PCDHGA6: variants seen among roughly 807,000 people sequenced by gnomAD.
The protein encoded by PCDHGA6 is protocadherin gamma subfamily A, 6, also known as protocadherin gamma-A6.
A neutral mutation model predicts 60.6 loss-of-function variants in PCDHGA6; 41 were observed. The ratio of observed to expected loss-of-function variants is 0.68; its 90% CI spans 0.53 to 0.88. The LOEUF (loss-of-function observed/expected upper bound fraction) is 0.88. Ranked by LOEUF, PCDHGA6 falls within the 40% of genes least tolerant of loss-of-function variation. PCDHGA6 has a pLI of 0.00. For missense variants in PCDHGA6, 1,312 were observed against 1,203.0 expected, an observed-to-expected ratio of 1.09 and a Z score of -1.34; for synonymous variants, 594 against 524.4, an observed-to-expected ratio of 1.13 and a Z score of -1.81.
intron 2 of PCDHGA6, among the ~76,000 whole-genome samples, 199 bp downstream of exon 2, chr5:141,495,064 C>T (rs563712352): frequency 6.6e-6 from 1 of 152,296 alleles, no homozygotes; most frequent in South Asian, 2.1e-4. Context: ...GTTCAGGAAG[C>T]TCAATTCACA....
chr5:141,376,356 C>T lies in PCDHGA6; in HGVS notation c.2273C>T (p.Ser758Leu). 1 of 1,614,228 alleles carries T rather than the reference C, an allele frequency of 6.2e-7. No individual in the cohort carries two copies. The highest frequency in any genetic ancestry group is 1.1e-5 in the South Asian group (1 of 91,084). ...CTGCAGACCTATTCCCACGAGGTCTCACTCACTGCAGACTCGCGTAAGAGT... is the reference window on the plus strand; with the variant it reads ...CTGCAGACCTATTCCCACGAGGTCTTACTCACTGCAGACTCGCGTAAGAGT... ...AFLQTYSHEV[S>L]LTADSRKSHL... The change falls in exon 1 of 4, where the codon TCA (serine) becomes TTA (leucine). Residue 758 changes from serine (S) to leucine (L), a missense_variant. By Grantham distance (145) the Ser-to-Leu change is moderately radical. Coordinates refer to ENST00000517434, the MANE Select transcript of PCDHGA6 (RefSeq NM_018919.3).
intron 1 of PCDHGA6, chr5:141,415,585 C>T: frequency 6.2e-7 from 1 of 1,613,900 alleles, no homozygotes; most frequent in Non-Finnish European, 8.5e-7. Context: ...TTCGAAGTTT[C>T]CTATAGAGGA....
intron 1 of PCDHGA6, chr5:141,478,489 C>G (rs779457709): frequency 5.6e-6 from 9 of 1,613,162 alleles, no homozygotes; most frequent in Middle Eastern, 1.6e-4. Flanking sequence ...CGCTGCGGAG[C>G]TGTGATCCGG....
At chr5:141,403,348 G>C (rs1031512427) in intron 1 of PCDHGA6, 2 of 1,614,052 alleles carry the variant, frequency 1.2e-6, no homozygotes, top group Middle Eastern at 1.6e-4. Flanking sequence ...GCGCCCCAAA[G>C]TTCCAGGCCG....
At chr5:141,378,354 C>T (rs994186879) in intron 1 of PCDHGA6, 5 of 152,210 alleles carry the variant, frequency 3.3e-5, no homozygotes, top group African/African-American at 1.2e-4. Flanking sequence ...GAAACCCCGT[C>T]TCTACTAAAA....
chr5:141,429,234 T>C (rs2097199038), intron 1 of PCDHGA6: 1 of 152,114 alleles, frequency 6.6e-6, no homozygotes, highest in African/African-American at 2.4e-5. Context: ...ATGATACTGC[T>C]GTCATTGAGA....
rs114918874 is a variant in PCDHGA6 at position 141,487,585 on chromosome 5, C to T, written c.2425-7222C>T. On this transcript the variant is annotated intron_variant, in intron 1 of 3. Transcript: ENST00000517434. This position sits in a 1 kb window ranked among gnomAD's most constrained non-coding sequence, Gnocchi z 5.0. Reference sequence around the variant, plus strand: ...CAGGGGAGCCTGTTCGCCCAAGCTGCCCACCCTCTGATCTTCTCTATGGGC... The same window carrying T: ...CAGGGGAGCCTGTTCGCCCAAGCTGTCCACCCTCTGATCTTCTCTATGGGC... 7,902 of 1,614,160 alleles carry T rather than the reference C, an allele frequency of 4.9e-3. 42 individuals are homozygous for T. The highest frequency in any genetic ancestry group is 8.8e-3 in the Admixed American group (531 of 60,020).
At chr5:141,483,361 A>G (rs752805137) in intron 1 of PCDHGA6, among the ~76,000 whole-genome samples, 1 of 152,102 alleles carries the variant, frequency 6.6e-6, no homozygotes, top group South Asian at 2.1e-4. Context: ...TTTGAAAGCT[A>G]TTGCAATATT....
Position 141,487,007 on chromosome 5 carries a change from G to C in PCDHGA6, c.2425-7800G>C, listed in dbSNP as rs563548715. On this transcript the variant is annotated intron_variant, in intron 1 of 3. Transcript: ENST00000517434. This position sits in a 1 kb window ranked among gnomAD's most constrained non-coding sequence, Gnocchi z 5.0. ...TGCTTGGGTTTCCTATCAGCTCCTG[G>C]AGGCCCCAGATCCCAGCCTGTTTGC... The C allele has an allele frequency of 6.2e-7, 1 of 1,614,206 alleles. No individual in the cohort carries two copies. Among genetic ancestry groups the C allele is most frequent in the Non-Finnish European group, 8.5e-7 (1 of 1,180,042 alleles).
chr5:141,502,955 T>C (rs2099817293), intron 2 of PCDHGA6, among the ~76,000 whole-genome samples: 1 of 149,868 alleles, frequency 6.7e-6, no homozygotes, highest in Non-Finnish European at 1.5e-5. Context: ...GCGATTCTCC[T>C]GCCTCAGCCT....
chr5:141,440,535 G>C (rs1305958587), intron 1 of PCDHGA6: 1 of 152,154 alleles, frequency 6.6e-6, no homozygotes, highest in African/African-American at 2.4e-5. Flanking sequence ...CATGCACCAC[G>C]GTTCAGCAGG....
intron 1 of PCDHGA6, chr5:141,417,649 C>G (rs1294192479): frequency 1.2e-6 from 1 of 826,168 alleles, no homozygotes; most frequent in East Asian, 2.8e-5. Flanking sequence ...CCCTCAGCCT[C>G]TAGCCTGGGA....
At chr5:141,444,507 G>C (rs1213059531) in intron 1 of PCDHGA6, among the ~76,000 whole-genome samples, 1 of 152,068 alleles carries the variant, frequency 6.6e-6, no homozygotes, top group Non-Finnish European at 1.5e-5. Context: ...CTTTGCTCTA[G>C]CAGTATAGTA....
rs2150065576 is a variant in PCDHGA6, at chr5:141,375,694, C to T, written c.1611C>T (p.Ser537=). The T allele has an allele frequency of 1.2e-6, 2 of 1,614,232 alleles. No individual in the cohort carries two copies. Among genetic ancestry groups the T allele is most frequent in the African/African-American group, 2.7e-5 (2 of 75,072 alleles). The change falls in exon 1 of 4, where the codon AGC becomes AGT. Residue 537 remains serine (S), a synonymous_variant. Transcript: ENST00000517434. ...DLQLWVTASD[S]GDPPLSSNVS... ...AGCTGTGGGTGACAGCCAGCGACAGCGGGGACCCGCCTCTTAGCAGCAACG... is the reference window on the plus strand; with the variant it reads ...AGCTGTGGGTGACAGCCAGCGACAGTGGGGACCCGCCTCTTAGCAGCAACG...
intron 1 of PCDHGA6, chr5:141,410,374 G>A: frequency 6.2e-7 from 1 of 1,613,976 alleles, no homozygotes; most frequent in Non-Finnish European, 8.5e-7. Flanking sequence ...CTGCTACTTG[G>A]GACTGCTTCC....
Position 141,476,966 on chromosome 5 carries a change from G to T in PCDHGA6, c.2425-17841G>T, listed in dbSNP as rs780645226. The T allele has an allele frequency of 6.2e-7, 1 of 1,614,152 alleles. No homozygotes were observed. Among genetic ancestry groups the T allele is most frequent in the Admixed American group, 1.7e-5 (1 of 60,032 alleles). On this transcript the variant is annotated intron_variant, in intron 1 of 3. Coordinates refer to ENST00000517434, the MANE Select transcript of PCDHGA6 (RefSeq NM_018919.3). The surrounding 1 kb of genome is among the most constrained non-coding windows in gnomAD (Gnocchi z 7.6). Reference sequence around the variant, plus strand: ...CAACGGTGAAATTATTTACTCCTTCGGCAGCCACAACCGCGCCGGCGTGCG... The same window carrying T: ...CAACGGTGAAATTATTTACTCCTTCTGCAGCCACAACCGCGCCGGCGTGCG...
intron 1 of PCDHGA6, chr5:141,423,559 G>T: frequency 6.2e-7 from 1 of 1,613,584 alleles, no homozygotes; most frequent in Non-Finnish European, 8.5e-7. Flanking sequence ...CAACTATGGG[G>T]ACACGCTCAT....
chr5:141,418,693 T>G, intron 1 of PCDHGA6: 1 of 1,614,040 alleles, frequency 6.2e-7, no homozygotes, highest in Admixed American at 1.7e-5. Flanking sequence ...CAGAGATCAC[T>G]TATTCCTTCT....
chr5:141,393,120 C>T lies in PCDHGA6; in HGVS notation c.2424+16613C>T, dbSNP rs142751758. The T allele has an allele frequency of 9.0e-3, 14,600 of 1,613,382 alleles. 101 individuals carry two copies. The highest frequency in any genetic ancestry group is 0.01 in the Non-Finnish European group (11,861 of 1,179,884). On this transcript the variant is annotated intron_variant, in intron 1 of 3. Transcript: ENST00000517434. ...GCTCTGCGCTCAGAGCCCGCGGTGT[C>T]TGATAAATATTAACACCCTGGTTGA...
Sources: gnomAD v4.1 joint callset for allele counts (sites outside exome capture counted in the v4.1 genomes callset) on GRCh38, gnomAD v4.1.1 for gene constraint, Gnocchi (gnomAD v3.1) non-coding constraint, MANE v1.5 for transcripts, NCBI Gene and HGNC (gene_info 2026-07-23, HGNC 2026-07-21) for gene names.